Variants in MYO18B observed in about 807,000 individuals in gnomAD.
The protein encoded by MYO18B is unconventional myosin-XVIIIb.
Under a neutral mutation model 273.0 loss-of-function variants are expected in MYO18B, and 204 were observed. That is an observed-to-expected ratio of 0.75 (90% CI 0.67 to 0.84). The LOEUF is 0.84. Among genes scored for constraint, MYO18B ranks in the 40% least tolerant of loss-of-function variants. The pLI is 0.00. For missense variants in MYO18B, 3,212 were observed against 3,287.6 expected (o/e 0.98, Z 0.56); for synonymous variants, 1,330 against 1,305.7 (o/e 1.02, Z -0.40).
intron 31 of MYO18B, among the ~76,000 whole-genome samples, chr22:25,908,008 A>G (rs1221410211): frequency 2.8e-5 from 4 of 145,346 alleles, no homozygotes; most frequent in Non-Finnish European, 6.0e-5. Flanking sequence ...ACTCCAGCCT[A>G]GGCAACAAGA....
In MYO18B at chr22:25,828,986, C is replaced by T. The variant is rs374363301; in HGVS notation, c.2979+18C>T. On this transcript the variant is annotated intron_variant, in intron 15 of 43. Coordinates refer to ENST00000335473, the MANE Select transcript of MYO18B (RefSeq NM_032608.7). ...ATCAAGAGGTATGCCTGGGCTGGAGCAGGGCTTTCACCAGAGCTCCGTGGA... is the reference window on the plus strand; with the variant it reads ...ATCAAGAGGTATGCCTGGGCTGGAGTAGGGCTTTCACCAGAGCTCCGTGGA... 3 of 1,612,650 alleles carry T rather than the reference C, an allele frequency of 1.9e-6. No homozygotes were observed. The highest frequency in any genetic ancestry group is 2.7e-5 in the African/African-American group (2 of 75,040).
intron 34 of MYO18B, among the ~76,000 whole-genome samples, chr22:25,943,208 T>A (rs1296248502): frequency 6.6e-6 from 1 of 152,068 alleles, no homozygotes; most frequent in Admixed American, 6.6e-5. Context: ...TCTGACATCA[T>A]CTCCCTTGAT....
intron 11 of MYO18B, among the ~76,000 whole-genome samples, chr22:25,786,426 A>G (rs992216518): frequency 4.6e-5 from 7 of 152,172 alleles, no homozygotes; most frequent in African/African-American, 9.7e-5. Context: ...TTTCCACTCC[A>G]AAGCCTCTTT....
At chr22:25,751,210 G>C (rs763632695) in intron 1 of MYO18B, among the ~76,000 whole-genome samples, 4 of 152,206 alleles carry the variant, frequency 2.6e-5, no homozygotes, top group African/African-American at 4.8e-5. Flanking sequence ...CTCCTGCTAG[G>C]GAGGAAGGAC....
chr22:25,862,488 G>C (rs919695131), intron 21 of MYO18B, among the ~76,000 whole-genome samples: 10 of 152,270 alleles, frequency 6.6e-5, no homozygotes, highest in African/African-American at 1.9e-4. Flanking sequence ...TTTAATGTAA[G>C]TGAAACAGTA....
chr22:25,835,767 G>A (rs533755858), intron 17 of MYO18B, among the ~76,000 whole-genome samples: 14 of 152,214 alleles, frequency 9.2e-5, no homozygotes, highest in Non-Finnish European at 2.1e-4. Context: ...GCATCAGGGC[G>A]TTTCTCATTT....
intron 25 of MYO18B, chr22:25,884,703 G>A (rs925560837): frequency 1.3e-5 from 2 of 152,192 alleles, no homozygotes; most frequent in African/African-American, 4.8e-5. Flanking sequence ...AGGAATGAAT[G>A]CAGTGACCTG....
intron 7 of MYO18B, among the ~76,000 whole-genome samples, chr22:25,774,624 C>T (rs778468601): frequency 1.3e-5 from 2 of 152,242 alleles, no homozygotes; most frequent in African/African-American, 2.4e-5. Flanking sequence ...TCCAGCCTCC[C>T]ACACTCAAAC....
rs1182040944 is a variant in MYO18B, at chr22:26,027,643, G to A, written c.7669G>A (p.Val2557Ile). ...EPGTGRKDDDVASIMKKYLQK is the reference protein window; with the variant it reads ...EPGTGRKDDDIASIMKKYLQK ...AGGGACGGGGAGGAAAGACGACGATGTTGCGAGCATAATGAAGAAATACCT... is the reference window on the plus strand; with the variant it reads ...AGGGACGGGGAGGAAAGACGACGATATTGCGAGCATAATGAAGAAATACCT... Residue 2557 changes from valine to isoleucine, a missense_variant, in exon 43 of 44, where the codon GTT becomes ATT. Physicochemically the swap from Val to Ile is conservative, Grantham distance 29 (BLOSUM62 3). Coordinates refer to ENST00000335473, the MANE Select transcript of MYO18B (RefSeq NM_032608.7). This position sits in a 1 kb window ranked among gnomAD's most constrained non-coding sequence, Gnocchi z 4.1. 8 of 1,613,510 alleles carry A rather than the reference G, an allele frequency of 5.0e-6. No individual in the cohort carries two copies. The highest frequency in any genetic ancestry group is 1.1e-5 in the South Asian group (1 of 90,990).
chr22:25,895,617 G>A (rs1004926438), intron 28 of MYO18B: 4 of 187,646 alleles, frequency 2.1e-5, no homozygotes, highest in Non-Finnish European at 4.5e-5. Flanking sequence ...AATTATCAGC[G>A]GTCTCAAAAC....
Position 25,946,269 on chromosome 22 carries a change from A to G in MYO18B, c.5631+19A>G. 1 of 1,534,320 alleles carries G rather than the reference A, an allele frequency of 6.5e-7. No individual in the cohort carries two copies. The highest frequency in any genetic ancestry group is 8.8e-7 in the Non-Finnish European group (1 of 1,132,240). The stretch of plus-strand genomic sequence containing the variant: ...GAGCCTGGTACCTGTCCCTTCCTGC[A>G]GCTGCAGGGACCTGGGCCAGCATAG... On this transcript the variant is annotated intron_variant, in intron 35 of 43. Coordinates refer to ENST00000335473, the MANE Select transcript of MYO18B (RefSeq NM_032608.7).
intron 10 of MYO18B, among the ~76,000 whole-genome samples, chr22:25,785,186 C>T (rs767287651): frequency 7.9e-5 from 12 of 152,212 alleles, no homozygotes; most frequent in Non-Finnish European, 1.2e-4. Flanking sequence ...TGATTTTCCT[C>T]TACAACCCTT....
In MYO18B at chr22:25,976,721, C is replaced by G. The variant is rs1021490916; in HGVS notation, c.6157-15642C>G. ...TGGCATTGATCACCAGCACCAATAT[C>G]TCCATTCCATATCCTCCTTGATCAA... On this transcript the variant is annotated intron_variant, in intron 39 of 43. Transcript: ENST00000335473. Among the ~76,000 whole-genome samples the G allele has an allele frequency of 2.0e-5, 3 of 152,114 alleles. No homozygotes were observed. The South Asian group carries it at 6.2e-4, about 32-fold the overall frequency.
intron 18 of MYO18B, 144 bp downstream of exon 18, chr22:25,844,038 T>C: frequency 1.4e-6 from 1 of 720,364 alleles, no homozygotes; most frequent in Non-Finnish European, 2.1e-6. Context: ...CAAAGAACCA[T>C]AACTTGAATT....
At chr22:26,019,737 A>C (rs771815226) in intron 42 of MYO18B, among the ~76,000 whole-genome samples, 1 of 152,158 alleles carries the variant, frequency 6.6e-6, no homozygotes, top group Non-Finnish European at 1.5e-5. Flanking sequence ...GTGGATGAAG[A>C]ACGGGGGGTG....
chr22:25,828,866 G>C lies in MYO18B; in HGVS notation c.2877G>C (p.Arg959=), dbSNP rs753713708. The C allele has an allele frequency of 2.5e-6, 4 of 1,613,876 alleles. No homozygotes were observed. In the African/African-American group the frequency reaches 5.3e-5, roughly 22 times the overall value. ...ACCCCCGGCACCAGGGCAAGGACCGGGCGGCCACCTTTGAGGAGCTGTGCC... is the reference window on the plus strand; with the variant it reads ...ACCCCCGGCACCAGGGCAAGGACCGCGCGGCCACCTTTGAGGAGCTGTGCC... The part of the protein sequence containing the change: ...FQNPRHQGKD[R]AATFEELCHN... The change falls in exon 15 of 44, where the codon CGG becomes CGC. Residue 959 remains arginine, a synonymous_variant. Coordinates refer to ENST00000335473, the MANE Select transcript of MYO18B (RefSeq NM_032608.7).
intron 13 of MYO18B, among the ~76,000 whole-genome samples, chr22:25,824,898 CAT>C (rs921169707): frequency 6.7e-6 from 1 of 150,364 alleles, no homozygotes; most frequent in Non-Finnish European, 1.5e-5. Context: ...TGTATGCACA[CAT>C]GTGCACAGAT....
intron 7 of MYO18B, 97 bp downstream of exon 7, chr22:25,772,607 C>T: frequency 4.8e-6 from 6 of 1,245,832 alleles, no homozygotes; most frequent in East Asian, 2.6e-5. Context: ...ACCATCAGAG[C>T]CCCCAGTCGA....
At chr22:25,942,958 T>C (rs2092661919) in intron 34 of MYO18B, among the ~76,000 whole-genome samples, 1 of 151,970 alleles carries the variant, frequency 6.6e-6, no homozygotes, top group Non-Finnish European at 1.5e-5. Flanking sequence ...CATTATGCCA[T>C]CTATAAAATG....
Sources: allele counts gnomAD v4.1 joint callset (sites outside exome capture counted in the v4.1 genomes callset), GRCh38; gene constraint gnomAD v4.1.1; non-coding constraint Gnocchi (gnomAD v3.1); transcripts MANE v1.5; gene names NCBI Gene and HGNC (gene_info 2026-07-23, HGNC 2026-07-21).